SRD5A2: variants seen among roughly 807,000 people sequenced by gnomAD.
SRD5A2 encodes the protein 3-oxo-5-alpha-steroid 4-dehydrogenase 2.
In SRD5A2, 30 loss-of-function variants were observed where a neutral mutation model predicts 27.4. The ratio of observed to expected loss-of-function variants is 1.10; its 90% CI spans 0.82 to 1.49. The LOEUF is 1.49. Among genes scored for constraint, SRD5A2 ranks in the 40% most tolerant of loss-of-function variants. SRD5A2 has a pLI of 0.00. For missense variants in SRD5A2, 348 were observed against 323.4 expected, an observed-to-expected ratio of 1.08 and a Z score of -0.58; for synonymous variants, 141 against 133.6, an observed-to-expected ratio of 1.06 and a Z score of -0.38.
intron 2 of SRD5A2, among the ~76,000 whole-genome samples, chr2:31,532,251 A>G (rs1665923197): frequency 6.6e-6 from 1 of 152,000 alleles, no homozygotes; most frequent in Non-Finnish European, 1.5e-5. Context: ...TCCCGTCACT[A>G]TTATATGGTT....
the SRD5A2 span, among the ~76,000 whole-genome samples, chr2:31,612,951 A>G: frequency 2.6e-4 from 40 of 152,328 alleles, 1 homozygote; most frequent in South Asian, 5.6e-3. Context: ...GTGTAGAGAA[A>G]CTGGACATCC....
the SRD5A2 span, among the ~76,000 whole-genome samples, chr2:31,655,779 T>C: frequency 1.3e-5 from 2 of 152,186 alleles, no homozygotes; most frequent in Non-Finnish European, 2.9e-5. Context: ...ATAATAAGCA[T>C]AAGCTCTTCT....
chr2:31,551,699 T>C (rs1030296361), intron 1 of SRD5A2, among the ~76,000 whole-genome samples: 2 of 152,160 alleles, frequency 1.3e-5, no homozygotes, highest in African/African-American at 2.4e-5. Flanking sequence ...AACTGTTGAA[T>C]TTCAGGGACC....
the SRD5A2 span, among the ~76,000 whole-genome samples, chr2:31,623,438 T>C: frequency 6.6e-6 from 1 of 152,106 alleles, no homozygotes; most frequent in Non-Finnish European, 1.5e-5. Context: ...AAAACCTCAA[T>C]TACGTTTCCA....
chr2:31,623,795 A>G, the SRD5A2 span, among the ~76,000 whole-genome samples: 1 of 151,958 alleles, frequency 6.6e-6, no homozygotes, highest in Non-Finnish European at 1.5e-5. Flanking sequence ...CTAGTTTAGT[A>G]AGAGTTTTTA....
the SRD5A2 span, among the ~76,000 whole-genome samples, chr2:31,624,478 A>C: frequency 1.3e-5 from 2 of 151,862 alleles, no homozygotes; most frequent in Non-Finnish European, 2.9e-5. Context: ...CTCATTATTT[A>C]CATTAGGTAT....
At chr2:31,585,853 G>C (rs1240112553), upstream of SRD5A2, among the ~76,000 whole-genome samples, 1 of 152,104 alleles carries the variant, frequency 6.6e-6, no homozygotes, top group African/African-American at 2.4e-5. Context: ...CCCAGGCCAG[G>C]CAGCAGTCAC....
At chr2:31,648,770 C>G in the SRD5A2 span, among the ~76,000 whole-genome samples, 38 of 152,304 alleles carry the variant, frequency 2.5e-4, no homozygotes, top group South Asian at 7.7e-3. Context: ...GTTCTTTCCT[C>G]GAGGCATATA....
At position 31,531,438 on chromosome 2, in the gene SRD5A2, G is replaced by A; in HGVS notation, c.480C>T (p.Asn160=). 6.2e-7 allele frequency: 1 copy of A among 1,600,910 alleles called. No homozygotes were observed. The highest frequency in any genetic ancestry group is 8.5e-7 in the Non-Finnish European group (1 of 1,173,330). ...VFLFILGMGI[N]IHSDYILRQL... is the part of the protein sequence containing the mutation. ...GGCGCAATATATAGTCACTATGAATGTTTATTCCCATTCCCAAAATAAATA... is the reference window on the plus strand; with the variant it reads ...GGCGCAATATATAGTCACTATGAATATTTATTCCCATTCCCAAAATAAATA... Residue 160 remains asparagine (N), a synonymous_variant, in exon 3 of 5, where the codon AAC becomes AAT. Transcript: ENST00000622030.
chr2:31,569,677 C>CAAAAAAAAAAAAAA (rs11421066), intron 1 of SRD5A2, among the ~76,000 whole-genome samples: 1 of 138,564 alleles, frequency 7.2e-6, no homozygotes, highest in Non-Finnish European at 1.6e-5. Context: ...AAACAAAAAA[C>CAAAAAAAAAAAAAA]AAAAAAAAAA....
At chr2:31,560,998 T>C (rs1293032433) in intron 1 of SRD5A2, among the ~76,000 whole-genome samples, 2 of 152,162 alleles carry the variant, frequency 1.3e-5, no homozygotes, top group Non-Finnish European at 2.9e-5. Flanking sequence ...AGAATATCAT[T>C]TTATAAATTC....
intron 1 of SRD5A2, among the ~76,000 whole-genome samples, chr2:31,541,046 A>G (rs1199285953): frequency 6.6e-6 from 1 of 151,980 alleles, no homozygotes; most frequent in Non-Finnish European, 1.5e-5. Flanking sequence ...TCCCTTTTTC[A>G]TTTTTCTCTT....
chr2:31,535,238 T>G (rs1309362289), intron 1 of SRD5A2, among the ~76,000 whole-genome samples: 1 of 152,158 alleles, frequency 6.6e-6, no homozygotes, highest in African/African-American at 2.4e-5. Context: ...GCCAGGCTGG[T>G]CTGGAACTCT....
the SRD5A2 span, among the ~76,000 whole-genome samples, chr2:31,617,276 T>C: frequency 6.6e-6 from 1 of 152,244 alleles, no homozygotes; most frequent in African/African-American, 2.4e-5. Context: ...CTTATAGCCA[T>C]AGCTGGTGCA....
intron 1 of SRD5A2, among the ~76,000 whole-genome samples, chr2:31,547,149 C>T (rs547411571): frequency 6.6e-6 from 1 of 152,062 alleles, no homozygotes. Flanking sequence ...CTAAAAGGCA[C>T]ATAGACCTGT....
the SRD5A2 span, among the ~76,000 whole-genome samples, chr2:31,634,743 T>A: frequency 6.6e-6 from 1 of 152,244 alleles, no homozygotes; most frequent in South Asian, 2.1e-4. Context: ...CTTCATGAGT[T>A]CTACTTTTTT....
intron 2 of SRD5A2, among the ~76,000 whole-genome samples, chr2:31,532,253 T>C (rs540929917): frequency 2.0e-5 from 3 of 152,068 alleles, no homozygotes; most frequent in Non-Finnish European, 4.4e-5. Flanking sequence ...CCGTCACTAT[T>C]ATATGGTTTT....
intron 1 of SRD5A2, among the ~76,000 whole-genome samples, chr2:31,573,662 C>T (rs1203282242): frequency 3.3e-5 from 5 of 152,192 alleles, no homozygotes; most frequent in Non-Finnish European, 1.5e-5. Context: ...GTCCCTCACC[C>T]ATTCCTCCTC....
At chr2:31,582,840 T>C (rs1348268436), upstream of SRD5A2, among the ~76,000 whole-genome samples, 4 of 152,168 alleles carry the variant, frequency 2.6e-5, no homozygotes, top group African/African-American at 4.8e-5. Flanking sequence ...GGAAGCTGGC[T>C]CATAGACTCA....
Sources: gnomAD v4.1 joint callset for allele counts (sites outside exome capture counted in the v4.1 genomes callset) on GRCh38, gnomAD v4.1.1 for gene constraint, MANE v1.5 for transcripts, NCBI Gene and HGNC (gene_info 2026-07-23, HGNC 2026-07-21) for gene names.